The following SBF2 variants were observed in gnomAD, a reference collection of about 807,000 sequenced individuals.
SBF2 encodes the protein SET binding factor 2, also known as myotubularin-related protein 13.
A neutral mutation model predicts 225.2 loss-of-function variants in SBF2; 112 were observed. The ratio of observed to expected loss-of-function variants is 0.50; its 90% confidence interval spans 0.43 to 0.58. The LOEUF (loss-of-function observed/expected upper bound fraction) is 0.58. Among genes scored for constraint, SBF2 ranks in the 20% least tolerant of loss-of-function variants. SBF2 has a pLI of 0.00. For synonymous variants in SBF2, 763 were observed against 773.3 expected (o/e 0.99, Z 0.22); for missense variants, 1,996 against 2,206.2 (o/e 0.90, Z 1.91).
intron 13 of SBF2, among the ~76,000 whole-genome samples, chr11:9,984,837 A>G (rs1161938842): frequency 6.6e-6 from 1 of 152,190 alleles, no homozygotes; most frequent in African/African-American, 2.4e-5. Flanking sequence ...ACTAAACATC[A>G]TATATGAAAG....
rs978580664 is a variant in SBF2, at chr11:9,845,441, C to T, written c.3110+124G>A. ...AACTTTATGATCTTGGCCCCATGGG[C>T]TTGACAGAAACAGAACAGTGAATGA... On this transcript the variant is annotated intron_variant, in intron 24 of 39. Coordinates refer to ENST00000256190, the MANE Select transcript of SBF2 (RefSeq NM_030962.4). 1.2e-5 allele frequency: 11 copies of T among 919,366 alleles called. No individual in the cohort carries two copies. The Admixed American group carries it at 2.0e-4, about 16-fold the overall frequency. 57.0% of individuals were successfully genotyped at this position (919,366 alleles called of 1,614,324 possible).
At chr11:10,103,154 T>C (rs1239218297) in intron 2 of SBF2, among the ~76,000 whole-genome samples, 1 of 152,198 alleles carries the variant, frequency 6.6e-6, no homozygotes, top group Non-Finnish European at 1.5e-5. Flanking sequence ...TTTTGAGTTA[T>C]CATTTTGGCC....
At chr11:9,793,328 C>T (rs576293224) in intron 33 of SBF2, among the ~76,000 whole-genome samples, 4 of 152,204 alleles carry the variant, frequency 2.6e-5, no homozygotes, top group South Asian at 2.1e-4. Context: ...CGGCTCTACC[C>T]GTGGGACCAG....
intron 20 of SBF2, among the ~76,000 whole-genome samples, chr11:9,853,246 A>G (rs537914915): frequency 3.4e-4 from 52 of 152,256 alleles, no homozygotes; most frequent in Non-Finnish European, 6.9e-4. Flanking sequence ...ACCAGGGGAA[A>G]CAGGAGTTAC....
At chr11:10,032,352 G>A (rs1367392557) in intron 3 of SBF2, among the ~76,000 whole-genome samples, 1 of 152,094 alleles carries the variant, frequency 6.6e-6, no homozygotes, top group Non-Finnish European at 1.5e-5. Context: ...AATCTCTTGT[G>A]TGGATTACTC....
chr11:9,840,729 GAAAAA>G (rs1402502499), intron 25 of SBF2, among the ~76,000 whole-genome samples: 2 of 152,130 alleles, frequency 1.3e-5, no homozygotes, highest in Non-Finnish European at 2.9e-5. Flanking sequence ...TCACTAGAGG[GAAAAA>G]TAACTTTATT....
chr11:9,882,554 A>G (rs911083851), intron 17 of SBF2, among the ~76,000 whole-genome samples: 9 of 152,122 alleles, frequency 5.9e-5, no homozygotes, highest in Non-Finnish European at 1.2e-4. Flanking sequence ...CATGTCTGTA[A>G]TCCCAGCACT....
At chr11:10,211,014 C>CAAAAAAAAAAA (rs1230619092) in intron 1 of SBF2, among the ~76,000 whole-genome samples, 1,850 of 32,736 alleles carry the variant, frequency 0.057, 441 homozygotes, top group Middle Eastern at 0.17. Flanking sequence ...ACTCTTGACT[C>CAAAAAAAAAAA]AAAAAAAAAA....
chr11:10,233,581 G>T (rs1252830006), intron 1 of SBF2, among the ~76,000 whole-genome samples: 1 of 142,120 alleles, frequency 7.0e-6, no homozygotes, highest in Non-Finnish European at 1.5e-5. Context: ...CAAAGATTCT[G>T]TATCATTTTA....
chr11:10,175,564 G>C (rs1956426715), intron 2 of SBF2, among the ~76,000 whole-genome samples: 1 of 151,548 alleles, frequency 6.6e-6, no homozygotes, highest in Non-Finnish European at 1.5e-5. Context: ...ATAATAATGG[G>C]AGACTTTAAC....
chr11:9,917,017 C>G (rs151113212), intron 16 of SBF2, among the ~76,000 whole-genome samples: 1 of 151,550 alleles, frequency 6.6e-6, no homozygotes, highest in South Asian at 2.1e-4. Context: ...TTAATTTAAC[C>G]TCTGTACCAT....
At chr11:9,967,304 G>A (rs1026066972) in intron 14 of SBF2, among the ~76,000 whole-genome samples, 8 of 151,806 alleles carry the variant, frequency 5.3e-5, no homozygotes, top group East Asian at 1.9e-4. Flanking sequence ...CCCGGGAGGC[G>A]GAGCTTGCAG....
At chr11:10,204,240 C>CAAAAAAAAA (rs200904886) in intron 1 of SBF2, among the ~76,000 whole-genome samples, 1 of 90,950 alleles carries the variant, frequency 1.1e-5, no homozygotes. Context: ...ATACTGAAAG[C>CAAAAAAAAA]AAAAAAAAAA....
intron 2 of SBF2, among the ~76,000 whole-genome samples, chr11:10,121,072 T>C (rs1953422741): frequency 6.6e-6 from 1 of 152,200 alleles, no homozygotes; most frequent in Non-Finnish European, 1.5e-5. Context: ...CGCCTGTTTT[T>C]TGTTTGTTTG....
intron 30 of SBF2, among the ~76,000 whole-genome samples, chr11:9,809,571 G>A (rs943946126): frequency 3.0e-5 from 4 of 134,540 alleles, no homozygotes; most frequent in Non-Finnish European, 3.1e-5. Context: ...TTGAGACAAA[G>A]TCTCGCTCTG....
rs1316371139 is a variant in SBF2, at chr11:9,992,982, T to C, written c.1167+8A>G. 2 of 1,570,466 alleles carry C rather than the reference T, an allele frequency of 1.3e-6. No homozygotes were observed. Among genetic ancestry groups the C allele is most frequent in the East Asian group, 2.2e-5 (1 of 44,560 alleles). On this transcript the variant is annotated splice_region_variant and intron_variant, in intron 11 of 39. Transcript: ENST00000256190. ...TTTGGACAGATACAATATAGTACTC[T>C]ATCTTACCTTGTGGAAATGTATTAC... is the stretch of plus-strand genomic sequence containing the variant.
At chr11:9,834,013 C>T (rs993409557) in intron 26 of SBF2, among the ~76,000 whole-genome samples, 6 of 151,506 alleles carry the variant, frequency 4.0e-5, no homozygotes, top group African/African-American at 1.5e-4. Context: ...AGGTGATCCA[C>T]CTGCCTCGGC....
At chr11:9,903,208 G>C (rs539469726) in intron 16 of SBF2, among the ~76,000 whole-genome samples, 23 of 152,206 alleles carry the variant, frequency 1.5e-4, no homozygotes, top group African/African-American at 5.3e-4. Flanking sequence ...TGTAGTCCCA[G>C]CTACTAGGGA....
intron 2 of SBF2, among the ~76,000 whole-genome samples, chr11:10,175,562 G>A (rs1245355642): frequency 2.6e-5 from 4 of 151,540 alleles, no homozygotes; most frequent in African/African-American, 9.7e-5. Context: ...CAATAATAAT[G>A]GGAGACTTTA....
Sources: allele counts gnomAD v4.1 joint callset (sites outside exome capture counted in the v4.1 genomes callset), GRCh38; gene constraint gnomAD v4.1.1; transcripts MANE v1.5; gene names NCBI Gene and HGNC (gene_info 2026-07-23, HGNC 2026-07-21).